The following RAD54B variants were observed in gnomAD, a reference collection of about 807,000 sequenced individuals.
The protein encoded by RAD54B is DNA repair and recombination protein RAD54B.
Under a neutral mutation model 95.8 loss-of-function variants are expected in RAD54B, and 78 were observed. The observed-to-expected ratio is 0.81, with a 90% CI of 0.68 to 0.98. The LOEUF (loss-of-function observed/expected upper bound fraction) is 0.98. Among genes scored for constraint, RAD54B ranks in the 50% least tolerant of loss-of-function variants. The pLI, the probability that RAD54B is intolerant of heterozygous loss-of-function variation, is 0.00. For synonymous variants in RAD54B, 328 were observed against 354.9 expected (o/e 0.92, Z 0.85); for missense variants, 957 against 1,056.6 (o/e 0.91, Z 1.31).
At chr8:94,451,384 C>A in intron 3 of RAD54B, among the ~76,000 whole-genome samples, 1 of 152,068 alleles carries the variant, frequency 6.6e-6, no homozygotes, top group East Asian at 1.9e-4. Flanking sequence ...AATTAATTAA[C>A]AAATAAATGG....
chr8:94,474,853 C>G (rs2130224317), intron 1 of RAD54B, 148 bp downstream of exon 1: 1 of 152,568 alleles, frequency 6.6e-6, no homozygotes, highest in East Asian at 1.9e-4. Context: ...CAGACCAAAG[C>G]TGCAGGCCCG....
At chr8:94,461,877 T>C (rs1345418666) in intron 2 of RAD54B, among the ~76,000 whole-genome samples, 2 of 152,194 alleles carry the variant, frequency 1.3e-5, no homozygotes, top group East Asian at 1.9e-4. Flanking sequence ...ACTGGTATAA[T>C]ACCAGTATCT....
At chr8:94,446,986 A>AG (rs1812537706) in intron 3 of RAD54B, among the ~76,000 whole-genome samples, 1 of 151,822 alleles carries the variant, frequency 6.6e-6, no homozygotes, top group Non-Finnish European at 1.5e-5. Flanking sequence ...TAAAAAAAAA[A>AG]AAATCTGTCA....
At chr8:94,385,044 A>G (rs987210415) in intron 11 of RAD54B, among the ~76,000 whole-genome samples, 1 of 152,188 alleles carries the variant, frequency 6.6e-6, no homozygotes, top group African/African-American at 2.4e-5. Flanking sequence ...TCAAGGCTGC[A>G]GTGGGCTGAG....
In RAD54B at chr8:94,446,827, T is replaced by C. The variant is rs189552921; in HGVS notation, c.304+11441A>G. On this transcript the variant is annotated intron_variant, in intron 3 of 14. Transcript: ENST00000336148. ...TAGCTAGATGGTGGCCACCAAGGCA[T>C]AGGGCCCTCATTCCTCAGATGAAGC... 3.3e-5 allele frequency among the ~76,000 whole-genome samples: 5 copies of C among 152,180 alleles called. No homozygotes were observed. In the East Asian group the frequency reaches 7.7e-4, roughly 24 times the overall value.
chr8:94,410,843 A>G (rs1811509954), intron 4 of RAD54B, among the ~76,000 whole-genome samples: 1 of 152,194 alleles, frequency 6.6e-6, no homozygotes, highest in Admixed American at 6.5e-5. Context: ...TAAGCTCAGA[A>G]AAGTACCAAA....
chr8:94,377,842 A>G (rs901212082), intron 14 of RAD54B, among the ~76,000 whole-genome samples: 7 of 148,600 alleles, frequency 4.7e-5, no homozygotes, highest in South Asian at 2.1e-4. Context: ...CGGGCGTGGT[A>G]GCGGGCGCCT....
At position 94,428,007 on chromosome 8, in the gene RAD54B, T is replaced by G. The variant is rs528885122; in HGVS notation, c.305-16692A>C. 487 of 929,746 alleles carry G rather than the reference T, an allele frequency of 5.2e-4. 2 individuals are homozygous for G. The South Asian group carries it at 0.012, about 23-fold the overall frequency. 57.6% of individuals were successfully genotyped at this position (929,746 alleles called of 1,614,324 possible). On this transcript the variant is annotated intron_variant, in intron 3 of 14. Coordinates refer to ENST00000336148, the MANE Select transcript of RAD54B (RefSeq NM_012415.3). ...AAAAATACTTGACTATTTTAAGAAATCTGGTATTCGTTAGAAATGAGTTTC... is the reference window on the plus strand; with the variant it reads ...AAAAATACTTGACTATTTTAAGAAAGCTGGTATTCGTTAGAAATGAGTTTC...
intron 3 of RAD54B, chr8:94,428,244 A>G (rs1811993478): frequency 3.2e-6 from 3 of 939,160 alleles, no homozygotes; most frequent in Non-Finnish European, 3.8e-6. Flanking sequence ...CTACATTTAA[A>G]AAACAAAATC....
intron 11 of RAD54B, among the ~76,000 whole-genome samples, chr8:94,381,449 T>C (rs1216876370): frequency 1.3e-5 from 2 of 152,178 alleles, no homozygotes; most frequent in East Asian, 3.9e-4. Flanking sequence ...CACCAGCTAT[T>C]TGAAGTGAGC....
intron 10 of RAD54B, among the ~76,000 whole-genome samples, chr8:94,388,805 C>T (rs1810950656): frequency 1.3e-5 from 2 of 152,192 alleles, no homozygotes; most frequent in African/African-American, 4.8e-5. Context: ...AAAGAAGTAG[C>T]TGCTGGCTGC....
At chr8:94,380,980 A>G (rs1810725430) in intron 11 of RAD54B, among the ~76,000 whole-genome samples, 1 of 152,234 alleles carries the variant, frequency 6.6e-6, no homozygotes. Flanking sequence ...AAAGAAACTT[A>G]GACCAGGGAA....
chr8:94,450,329 T>C (rs767219414), intron 3 of RAD54B, among the ~76,000 whole-genome samples: 4 of 152,222 alleles, frequency 2.6e-5, no homozygotes, highest in African/African-American at 7.2e-5. Context: ...CAAAGTCTCT[T>C]TGAGACTGCA....
intron 3 of RAD54B, chr8:94,430,912 C>G: frequency 1.0e-6 from 1 of 985,366 alleles, no homozygotes; most frequent in Non-Finnish European, 1.2e-6. Context: ...AAATCAATGG[C>G]TTAGCACTGC....
chr8:94,385,691 G>C (rs1810874430), intron 11 of RAD54B, among the ~76,000 whole-genome samples: 1 of 152,142 alleles, frequency 6.6e-6, no homozygotes, highest in African/African-American at 2.4e-5. Context: ...CTCCCACCTT[G>C]GTCTCCCAGA....
At chr8:94,386,436 TTAAAAA>T (rs1810890776) in intron 11 of RAD54B, among the ~76,000 whole-genome samples, 1 of 152,134 alleles carries the variant, frequency 6.6e-6, no homozygotes, top group East Asian at 1.9e-4. Context: ...CATTCAACAC[TTAAAAA>T]TAAAGATGTA....
At chr8:94,467,013 T>C (rs3098703) in intron 2 of RAD54B, among the ~76,000 whole-genome samples, 81,513 of 151,910 alleles carry the variant, frequency 0.54, 23,247 homozygotes, top group East Asian at 0.8. Flanking sequence ...ACTGCAGCTT[T>C]GACCTCCCAG....
chr8:94,449,737 G>A (rs1812611416), intron 3 of RAD54B, among the ~76,000 whole-genome samples: 1 of 152,076 alleles, frequency 6.6e-6, no homozygotes, highest in Admixed American at 6.6e-5. Context: ...TTGGAAGGAT[G>A]CATATGAGAG....
Position 94,389,608 on chromosome 8 carries a change from C to T in RAD54B, c.1809+2001G>A, listed in dbSNP as rs73695193. On this transcript the variant is annotated intron_variant, in intron 10 of 14. Coordinates refer to ENST00000336148, the MANE Select transcript of RAD54B (RefSeq NM_012415.3). The stretch of plus-strand genomic sequence containing the variant: ...TGAGTTATGATATTGTTACTGGTTA[C>T]GTTCCACTCACATTTCCTAAAGAAA... Among the ~76,000 whole-genome samples the T allele has an allele frequency of 7.4e-3, 1,126 of 152,244 alleles. 15 individuals carry two copies. Among genetic ancestry groups the T allele is most frequent in the African/African-American group, 0.026 (1,076 of 41,536 alleles).
Sources: allele counts gnomAD v4.1 joint callset (sites outside exome capture counted in the v4.1 genomes callset), GRCh38; gene constraint gnomAD v4.1.1; transcripts MANE v1.5; gene names NCBI Gene and HGNC (gene_info 2026-07-23, HGNC 2026-07-21).